Variants in EAF2 observed in about 807,000 individuals in gnomAD.
EAF2 encodes the protein ELL-associated factor 2.
EAF2 carries 29 observed loss-of-function variants against 29.4 expected under a neutral mutation model. The ratio of observed to expected loss-of-function variants is 0.99; its 90% CI spans 0.73 to 1.35. EAF2 has a LOEUF of 1.35. Ranked by LOEUF, EAF2 falls within the 40% of genes most tolerant of loss-of-function variation. The pLI is 0.00. For missense variants in EAF2, 292 were observed against 312.0 expected (o/e 0.94, Z 0.48); for synonymous variants, 103 against 102.5 (o/e 1.00, Z -0.03).
chr3:121,875,414 T>G lies in EAF2; in HGVS notation c.736+2626T>G, dbSNP rs150480212. Among the ~76,000 whole-genome samples the G allele has an allele frequency of 6.5e-3, 993 of 152,030 alleles. 13 individuals are homozygous for G. Among genetic ancestry groups the G allele is most frequent in the African/African-American group, 0.023 (936 of 41,518 alleles). Reference sequence around the variant, plus strand: ...CCAATATACCCAGAGGATAACAATCTCCAAATGTGATTATGAAACCTGTTT... The same window carrying G: ...CCAATATACCCAGAGGATAACAATCGCCAAATGTGATTATGAAACCTGTTT... On this transcript the variant is annotated intron_variant, in intron 5 of 5. Transcript: ENST00000273668.
intron 1 of EAF2, chr3:121,836,790 C>G: frequency 2.0e-6 from 2 of 987,038 alleles, no homozygotes; most frequent in Non-Finnish European, 2.4e-6. Context: ...TCTCTTCCTT[C>G]TCAGGTATGC....
chr3:121,884,439 T>A lies in EAF2; in HGVS notation c.737-1903T>A, dbSNP rs111251446. Among the ~76,000 whole-genome samples, 158 of 151,916 alleles carry A rather than the reference T, an allele frequency of 1.0e-3. 1 individual carries two copies. The highest frequency in any genetic ancestry group is 6.8e-3 in the Middle Eastern group (2 of 294). On this transcript the variant is annotated intron_variant, in intron 5 of 5. Coordinates refer to ENST00000273668, the MANE Select transcript of EAF2 (RefSeq NM_018456.6). Reference sequence around the variant, plus strand: ...GATTTTCTTATTTATTTATTTATTTTTTTTTTTGAGAAGGAGTTTCACTCT... The same window carrying A: ...GATTTTCTTATTTATTTATTTATTTATTTTTTTGAGAAGGAGTTTCACTCT...
intron 1 of EAF2, chr3:121,837,306 T>C (rs1306333467): frequency 6.6e-6 from 1 of 152,186 alleles, no homozygotes; most frequent in Non-Finnish European, 1.5e-5. Context: ...AGAGTGAGGT[T>C]TGAAAATTGT....
At chr3:121,852,751 T>A (rs1307444434) in intron 2 of EAF2, among the ~76,000 whole-genome samples, 1 of 152,208 alleles carries the variant, frequency 6.6e-6, no homozygotes, top group Non-Finnish European at 1.5e-5. Context: ...TTTTCTAACC[T>A]GATCTAACAG....
At chr3:121,881,070 T>C (rs1709184814) in intron 5 of EAF2, among the ~76,000 whole-genome samples, 1 of 152,236 alleles carries the variant, frequency 6.6e-6, no homozygotes, top group South Asian at 2.1e-4. Flanking sequence ...ATCTCTGGGA[T>C]AAATCCCACT....
intron 4 of EAF2, among the ~76,000 whole-genome samples, chr3:121,857,743 T>C (rs149890081): frequency 4.6e-5 from 7 of 152,332 alleles, no homozygotes; most frequent in African/African-American, 1.7e-4. Context: ...TACATATGTA[T>C]ACATGTGGCA....
chr3:121,852,699 AC>A (rs1376976346), intron 2 of EAF2, among the ~76,000 whole-genome samples: 1 of 152,182 alleles, frequency 6.6e-6, no homozygotes, highest in South Asian at 2.1e-4. Flanking sequence ...CTAATGATTA[AC>A]TTTAATATGA....
At chr3:121,835,714 T>C (rs1341108280) in intron 1 of EAF2, among the ~76,000 whole-genome samples, 1 of 151,776 alleles carries the variant, frequency 6.6e-6, no homozygotes, top group African/African-American at 2.4e-5. Context: ...GACAGGAAAA[T>C]AATAAGGTGA....
intron 4 of EAF2, among the ~76,000 whole-genome samples, chr3:121,861,407 C>A (rs1708827387): frequency 6.6e-6 from 1 of 152,158 alleles, no homozygotes; most frequent in East Asian, 1.9e-4. Flanking sequence ...CTGAATTGAT[C>A]CCTTTCCATT....
chr3:121,864,390 A>AT (rs139370383), intron 4 of EAF2, among the ~76,000 whole-genome samples: 12 of 151,626 alleles, frequency 7.9e-5, no homozygotes, highest in South Asian at 2.1e-4. Flanking sequence ...CTTGAATTTT[A>AT]TTTTTTTTTA....
At chr3:121,862,643 T>C (rs1708853262) in intron 4 of EAF2, among the ~76,000 whole-genome samples, 2 of 152,158 alleles carry the variant, frequency 1.3e-5, no homozygotes, top group Admixed American at 1.3e-4. Flanking sequence ...GAGAAGTTTG[T>C]TATCACCAAT....
intron 1 of EAF2, among the ~76,000 whole-genome samples, chr3:121,840,282 G>A (rs1559815778): frequency 6.7e-6 from 1 of 150,264 alleles, no homozygotes; most frequent in Non-Finnish European, 1.5e-5. Flanking sequence ...CACGAGGTCA[G>A]GAGTTCCAGA....
At position 121,835,339 on chromosome 3, in the gene EAF2, G is replaced by C. The variant is rs1354790925; in HGVS notation, c.54G>C (p.Lys18Asn). 6.2e-7 allele frequency: 1 copy of C among 1,614,210 alleles called. No individual in the cohort carries two copies. The highest frequency in any genetic ancestry group is 8.5e-7 in the Non-Finnish European group (1 of 1,180,022). ...SHLDRRERVL[K>N]LGESFEKQPR... is the part of the protein sequence containing the mutation. Reference sequence around the variant, plus strand: ...TAGACCGTCGCGAGCGGGTTCTCAAGTTAGGGGAGAGTTTCGAGAAGCAGC... The same window carrying C: ...TAGACCGTCGCGAGCGGGTTCTCAACTTAGGGGAGAGTTTCGAGAAGCAGC... Residue 18 changes from lysine (K) to asparagine (N), a missense_variant, in exon 1 of 6, where the codon AAG (lysine) becomes AAC (asparagine). Transcript: ENST00000273668.
intron 4 of EAF2, among the ~76,000 whole-genome samples, chr3:121,864,315 C>T (rs1399893379): frequency 2.6e-5 from 4 of 152,082 alleles, no homozygotes; most frequent in South Asian, 2.1e-4. Flanking sequence ...ATTCTCTAAT[C>T]GATTAGTAGC....
At chr3:121,865,663 TA>T (rs199771527) in intron 4 of EAF2, among the ~76,000 whole-genome samples, 11 of 150,842 alleles carry the variant, frequency 7.3e-5, no homozygotes, top group East Asian at 3.9e-4. Flanking sequence ...CCCATCTCTA[TA>T]AAAAAAAATA....
intron 1 of EAF2, among the ~76,000 whole-genome samples, chr3:121,835,649 A>T (rs1197902199): frequency 6.6e-6 from 1 of 152,142 alleles, no homozygotes; most frequent in Non-Finnish European, 1.5e-5. Flanking sequence ...AGTGTGAAAA[A>T]AGTCTGTAGA....
chr3:121,836,558 A>G, intron 1 of EAF2: 2 of 848,344 alleles, frequency 2.4e-6, no homozygotes, highest in Non-Finnish European at 1.4e-6. Flanking sequence ...TCCAATTGGT[A>G]GAATAAATGG....
intron 2 of EAF2, among the ~76,000 whole-genome samples, chr3:121,849,742 C>T (rs894824802): frequency 2.6e-5 from 4 of 152,034 alleles, no homozygotes; most frequent in Non-Finnish European, 4.4e-5. Context: ...AATGGGTTTA[C>T]TTAGCCGACA....
At chr3:121,861,587 T>C (rs1329662926) in intron 4 of EAF2, among the ~76,000 whole-genome samples, 3 of 152,206 alleles carry the variant, frequency 2.0e-5, no homozygotes, top group East Asian at 1.9e-4. Context: ...ATGTGTCTCC[T>C]GAATACAGTG....
Sources: gnomAD v4.1 joint callset for allele counts (sites outside exome capture counted in the v4.1 genomes callset) on GRCh38, gnomAD v4.1.1 for gene constraint, MANE v1.5 for transcripts, NCBI Gene and HGNC (gene_info 2026-07-23, HGNC 2026-07-21) for gene names.